The following YAF2 variants were observed in gnomAD, a reference collection of about 807,000 sequenced individuals.
The protein encoded by YAF2 is YY1-associated factor 2.
A neutral mutation model predicts 20.1 loss-of-function variants in YAF2; 7 were observed. That is an observed-to-expected ratio of 0.35 (90% CI 0.20 to 0.65). The LOEUF is 0.65. YAF2 is among the 30% of genes least tolerant of loss of function. The probability of loss-of-function intolerance (pLI) is 0.69; values close to 1 mark genes in which losing one functional copy is unlikely to be tolerated. For synonymous variants in YAF2, 74 were observed against 76.0 expected, an observed-to-expected ratio of 0.97 and a Z score of 0.14; for missense variants, 151 against 219.2, an observed-to-expected ratio of 0.69 and a Z score of 1.96.
At chr12:42,168,004 T>A in intron 2 of YAF2, among the ~76,000 whole-genome samples, 1 of 152,120 alleles carries the variant, frequency 6.6e-6, no homozygotes, top group East Asian at 1.9e-4. Context: ...AAAATGTATA[T>A]ACTGTAAGTT....
In YAF2 at chr12:42,228,695, G is replaced by A. The variant is rs868219954; in HGVS notation, c.152+8904C>T. 1.6e-4 allele frequency among the ~76,000 whole-genome samples: 14 copies of A among 90,276 alleles called. No homozygotes were observed. In the East Asian group the frequency reaches 1.6e-3, roughly 10 times the overall value. The allele number at this position is 90,276 out of a possible 152,430, so 59.2% of individuals were successfully genotyped here. ...GCCCCCCTGCCCGGCCAGCCGCCCC[G>A]TCCGGGAGGTGAGGGGCGCCTCTGC... On this transcript the variant is annotated intron_variant, in intron 2 of 3. Coordinates refer to ENST00000534854, the MANE Select transcript of YAF2 (RefSeq NM_005748.6).
chr12:42,201,793 C>T (rs1325101295), intron 2 of YAF2, among the ~76,000 whole-genome samples: 3 of 152,096 alleles, frequency 2.0e-5, no homozygotes, highest in African/African-American at 7.2e-5. Context: ...GCTGGTCTTG[C>T]ACTCCTGACC....
intron 2 of YAF2, among the ~76,000 whole-genome samples, chr12:42,202,649 A>G (rs970003638): frequency 6.6e-6 from 1 of 152,034 alleles, no homozygotes; most frequent in African/African-American, 2.4e-5. Context: ...TTTTATTTCT[A>G]TTTTTTGAGA....
Position 42,171,181 on chromosome 12 carries a change from G to A in YAF2, c.153-9416C>T, listed in dbSNP as rs527457349. Among the ~76,000 whole-genome samples the A allele has an allele frequency of 5.3e-5, 8 of 152,132 alleles. No individual in the cohort carries two copies. In the South Asian group the frequency reaches 8.3e-4, roughly 16 times the overall value. ...CTAATTTTGCATTTTTAGTAGAGAC[G>A]GGATTTCACCATATTGCCCAGGCTG... On this transcript the variant is annotated intron_variant, in intron 2 of 3. Transcript: ENST00000534854.
intron 2 of YAF2, among the ~76,000 whole-genome samples, chr12:42,179,714 G>A (rs536792708): frequency 6.7e-4 from 98 of 145,560 alleles, no homozygotes; most frequent in Non-Finnish European, 1.3e-3. Context: ...AGCCCAGGAG[G>A]TTGAGGCTGC....
chr12:42,232,661 A>G, intron 2 of YAF2: 1 of 985,398 alleles, frequency 1.0e-6, no homozygotes, highest in Non-Finnish European at 1.2e-6. Flanking sequence ...TCCCATTCCT[A>G]CACCAAAAGT....
At chr12:42,222,384 T>C (rs1462273782) in intron 2 of YAF2, among the ~76,000 whole-genome samples, 1 of 152,174 alleles carries the variant, frequency 6.6e-6, no homozygotes, top group Non-Finnish European at 1.5e-5. Context: ...ATAAACCTCT[T>C]TATTAAAGAC....
intron 2 of YAF2, among the ~76,000 whole-genome samples, chr12:42,219,892 T>A (rs1297894974): frequency 6.6e-6 from 1 of 152,186 alleles, no homozygotes; most frequent in Admixed American, 6.5e-5. Context: ...TGGACCACAC[T>A]TTGATAGCAA....
intron 2 of YAF2, 88 bp downstream of exon 2, chr12:42,237,511 G>A: frequency 7.2e-7 from 1 of 1,381,360 alleles, no homozygotes; most frequent in South Asian, 1.6e-5. Context: ...GGGTCCGCCA[G>A]TGTCATGGGA....
chr12:42,185,602 T>C (rs1174458841), intron 2 of YAF2, among the ~76,000 whole-genome samples: 4 of 152,170 alleles, frequency 2.6e-5, no homozygotes, highest in African/African-American at 9.7e-5. Flanking sequence ...ATCACCAACA[T>C]GATCACTCAG....
intron 2 of YAF2, among the ~76,000 whole-genome samples, chr12:42,174,799 A>G (rs1288477410): frequency 6.6e-6 from 1 of 152,228 alleles, no homozygotes; most frequent in Non-Finnish European, 1.5e-5. Flanking sequence ...AGAAAGCAAA[A>G]GTTAAATTTT....
rs986103396 is a variant in YAF2 at position 42,221,690 on chromosome 12, G to C, written c.152+15909C>G. ...CAAGAGGATACGAGGCTAGAGCCATGAGTTTCAACAAATAGAAAAGACCTC... is the reference window on the plus strand; with the variant it reads ...CAAGAGGATACGAGGCTAGAGCCATCAGTTTCAACAAATAGAAAAGACCTC... On this transcript the variant is annotated intron_variant, in intron 2 of 3. Transcript: ENST00000534854. Among the ~76,000 whole-genome samples, 4 of 152,198 alleles carry C rather than the reference G, an allele frequency of 2.6e-5. 1 individual carries two copies. The South Asian group carries it at 8.3e-4, about 31-fold the overall frequency.
chr12:42,160,697 T>G lies in YAF2; in HGVS notation c.435A>C (p.Ala145=), dbSNP rs756331542. 8 of 1,613,856 alleles carry G rather than the reference T, an allele frequency of 5.0e-6. No homozygotes were observed. The highest frequency in any genetic ancestry group is 5.9e-6 in the Non-Finnish European group (7 of 1,179,880). The part of the protein sequence containing the change: ...KSPPASSAAS[A]DQHSQSGSSS... ...TAGAGCCGCTTTGACTGTGTTGATC[T>G]GCAGAAGCAGCACTAGATGCAGGCG... Residue 145 remains alanine (A), a synonymous_variant, in exon 4 of 4, where the codon GCA becomes GCC. Coordinates refer to ENST00000534854, the MANE Select transcript of YAF2 (RefSeq NM_005748.6).
intron 2 of YAF2, among the ~76,000 whole-genome samples, chr12:42,196,331 A>C (rs2066752180): frequency 6.6e-6 from 1 of 152,102 alleles, no homozygotes; most frequent in Non-Finnish European, 1.5e-5. Flanking sequence ...ATCACCTATA[A>C]GTGGGTGGCA....
At chr12:42,226,653 A>C (rs1167629698) in intron 2 of YAF2, among the ~76,000 whole-genome samples, 1 of 152,152 alleles carries the variant, frequency 6.6e-6, no homozygotes, top group Non-Finnish European at 1.5e-5. Context: ...AACAGACTGA[A>C]ACCCTGTCTC....
chr12:42,226,424 G>C (rs1222159232), intron 2 of YAF2, among the ~76,000 whole-genome samples: 1 of 152,200 alleles, frequency 6.6e-6, no homozygotes, highest in African/African-American at 2.4e-5. Flanking sequence ...ACATTTTGGA[G>C]GCCAAGGTGA....
chr12:42,196,129 G>A (rs2066744644), intron 2 of YAF2, among the ~76,000 whole-genome samples: 1 of 147,792 alleles, frequency 6.8e-6, no homozygotes, highest in Non-Finnish European at 1.5e-5. Context: ...GGCTGAAGCA[G>A]AAGAACTGCT....
chr12:42,178,947 G>A (rs1683194), intron 2 of YAF2, among the ~76,000 whole-genome samples: 24 of 152,140 alleles, frequency 1.6e-4, no homozygotes, highest in Admixed American at 2.0e-4. Flanking sequence ...TACGTACTCA[G>A]AAGGCTGAGG....
chr12:42,165,061 CA>C (rs78729667), intron 2 of YAF2, among the ~76,000 whole-genome samples: 2,225 of 64,816 alleles, frequency 0.034, 26 homozygotes, highest in African/African-American at 0.082. Flanking sequence ...TCTTCTGGAA[CA>C]AAAAAAAAAA....
Sources: gnomAD v4.1 joint callset for allele counts (sites outside exome capture counted in the v4.1 genomes callset) on GRCh38, gnomAD v4.1.1 for gene constraint, MANE v1.5 for transcripts, NCBI Gene and HGNC (gene_info 2026-07-23, HGNC 2026-07-21) for gene names.